ELP4: variants seen among roughly 807,000 people sequenced by gnomAD.
The protein encoded by ELP4 is elongator acetyltransferase complex subunit 4.
ELP4 carries 51 observed loss-of-function variants against 48.9 expected under a neutral mutation model. The observed-to-expected ratio is 1.04, with a 90% CI of 0.83 to 1.32. ELP4 has a LOEUF of 1.32. Among genes scored for constraint, ELP4 ranks in the 40% most tolerant of loss-of-function variants. The pLI is 0.00. For missense variants in ELP4, 519 were observed against 514.6 expected (o/e 1.01, Z -0.08); for synonymous variants, 210 against 189.2 (o/e 1.11, Z -0.90).
chr11:31,642,863 T>C (rs1174853599), intron 7 of ELP4, among the ~76,000 whole-genome samples: 1 of 151,898 alleles, frequency 6.6e-6, no homozygotes, highest in Admixed American at 6.6e-5. Flanking sequence ...GTTAAAAATG[T>C]AGTATAAATA....
chr11:31,614,367 A>G (rs1040643492), intron 5 of ELP4, among the ~76,000 whole-genome samples: 2 of 152,170 alleles, frequency 1.3e-5, no homozygotes, highest in Admixed American at 6.5e-5. Flanking sequence ...TGATGATGGC[A>G]TATCAAAAGG....
chr11:31,689,768 G>C (rs1946236456), intron 9 of ELP4, among the ~76,000 whole-genome samples: 1 of 152,144 alleles, frequency 6.6e-6, no homozygotes, highest in Admixed American at 6.5e-5. Flanking sequence ...GGATGTGTGA[G>C]CTCAGCAAAT....
At chr11:31,553,458 G>T (rs964006122) in intron 3 of ELP4, among the ~76,000 whole-genome samples, 1 of 152,012 alleles carries the variant, frequency 6.6e-6, no homozygotes, top group East Asian at 1.9e-4. Context: ...AAATTTTCCT[G>T]CCTGTTTTTG....
At chr11:31,525,883 T>A (rs1436697403) in intron 2 of ELP4, among the ~76,000 whole-genome samples, 3 of 152,154 alleles carry the variant, frequency 2.0e-5, no homozygotes, top group Non-Finnish European at 4.4e-5. Flanking sequence ...ATTAAGCTGT[T>A]CCAATGGTCT....
chr11:31,533,365 A>ATTTTTTTTTTTTTTTT (rs1592089795), intron 2 of ELP4, among the ~76,000 whole-genome samples: 1 of 67,742 alleles, frequency 1.5e-5, no homozygotes. Flanking sequence ...AAGCCATCTC[A>ATTTTTTTTTTTTTTTT]TTCTTTTTTT....
At chr11:31,603,651 G>C (rs867853166) in intron 4 of ELP4, 117 bp from the exon 5 acceptor site, 1 of 1,033,528 alleles carries the variant, frequency 9.7e-7, no homozygotes, top group East Asian at 2.5e-5. Flanking sequence ...ATGTATATCC[G>C]TTCTTCCTTA....
intron 2 of ELP4, among the ~76,000 whole-genome samples, chr11:31,530,689 A>T (rs1262354710): frequency 2.6e-5 from 4 of 152,138 alleles, no homozygotes; most frequent in Non-Finnish European, 4.4e-5. Context: ...TACAAATGAA[A>T]TTCCATTTCC....
intron 3 of ELP4, among the ~76,000 whole-genome samples, chr11:31,545,682 T>G (rs770038041): frequency 1.2e-4 from 18 of 152,036 alleles, no homozygotes; most frequent in Non-Finnish European, 2.2e-4. Flanking sequence ...CACGTAATTG[T>G]CAGATTCATC....
chr11:31,759,430 A>G (rs1033149660), intron 9 of ELP4, among the ~76,000 whole-genome samples: 1 of 152,252 alleles, frequency 6.6e-6, no homozygotes, highest in African/African-American at 2.4e-5. Context: ...GGTAAGGAAA[A>G]TATATCATTC....
At chr11:31,650,851 A>G (rs975245386) in intron 9 of ELP4, 2 of 151,790 alleles carry the variant, frequency 1.3e-5, no homozygotes, top group Admixed American at 1.3e-4. Context: ...GTATTTATTA[A>G]TGAAGTAAAT....
intron 5 of ELP4, among the ~76,000 whole-genome samples, chr11:31,620,486 T>C (rs1944597471): frequency 6.6e-6 from 1 of 151,910 alleles, no homozygotes; most frequent in African/African-American, 2.4e-5. Flanking sequence ...TATAGAGGTA[T>C]GGCAGTTATT....
At chr11:31,741,470 G>A (rs1272818633) in intron 9 of ELP4, among the ~76,000 whole-genome samples, 3 of 152,192 alleles carry the variant, frequency 2.0e-5, no homozygotes, top group African/African-American at 2.4e-5. Flanking sequence ...CCTGACCCCC[G>A]AGTAGCCTAA....
chr11:31,606,149 CAT>C (rs1292522272), intron 5 of ELP4, among the ~76,000 whole-genome samples: 2 of 152,088 alleles, frequency 1.3e-5, no homozygotes, highest in Non-Finnish European at 2.9e-5. Flanking sequence ...TATTTCATTT[CAT>C]AGAGTTAACT....
intron 1 of ELP4, chr11:31,511,779 A>C (rs974764554): frequency 6.6e-6 from 1 of 152,150 alleles, no homozygotes; most frequent in Middle Eastern, 3.2e-3. Flanking sequence ...AACCCAAAGC[A>C]CCTTCTATAC....
At chr11:31,641,865 C>G (rs1180293722) in intron 7 of ELP4, among the ~76,000 whole-genome samples, 1 of 151,962 alleles carries the variant, frequency 6.6e-6, no homozygotes, top group Non-Finnish European at 1.5e-5. Context: ...TCACAAACAT[C>G]AGCTGGATGC....
intron 9 of ELP4, among the ~76,000 whole-genome samples, chr11:31,766,265 G>T (rs1216033696): frequency 6.6e-6 from 1 of 151,928 alleles, no homozygotes; most frequent in Non-Finnish European, 1.5e-5. Flanking sequence ...GAAATATAAC[G>T]GCAATAAGTA....
intron 3 of ELP4, among the ~76,000 whole-genome samples, chr11:31,542,792 TAAGA>T (rs1428534813): frequency 2.6e-5 from 4 of 151,632 alleles, no homozygotes; most frequent in Non-Finnish European, 5.9e-5. Context: ...TGCAAAGAAA[TAAGA>T]AAGTACAATT....
chr11:31,675,601 G>A (rs1395970429), intron 9 of ELP4, among the ~76,000 whole-genome samples: 1 of 152,104 alleles, frequency 6.6e-6, no homozygotes, highest in Admixed American at 6.5e-5. Context: ...CATATACAGG[G>A]CTGAAGTGAT....
intron 9 of ELP4, among the ~76,000 whole-genome samples, chr11:31,656,971 T>C (rs1945450399): frequency 6.6e-6 from 1 of 152,024 alleles, no homozygotes; most frequent in Admixed American, 6.6e-5. Context: ...TTATAGTGTC[T>C]AAGGAAGATA....
Sources: allele counts gnomAD v4.1 joint callset (sites outside exome capture counted in the v4.1 genomes callset), GRCh38; gene constraint gnomAD v4.1.1; transcripts MANE v1.5; gene names NCBI Gene and HGNC (gene_info 2026-07-23, HGNC 2026-07-21).